The following CNBD1 variants were observed in gnomAD, a reference collection of about 807,000 sequenced individuals.
CNBD1 encodes the protein cyclic nucleotide-binding domain-containing protein 1.
In CNBD1, 71 loss-of-function variants were observed where a neutral mutation model predicts 54.4. The observed-to-expected ratio is 1.30, with a 90% CI of 1.08 to 1.59. CNBD1 has a LOEUF of 1.59. Among genes scored for constraint, CNBD1 ranks in the 40% most tolerant of loss-of-function variants. The probability of loss-of-function intolerance (pLI) is 0.00; values close to 1 mark genes in which losing one functional copy is unlikely to be tolerated. For synonymous variants in CNBD1, 182 were observed against 170.7 expected (o/e 1.07, Z -0.51); for missense variants, 659 against 518.0 (o/e 1.27, Z -2.64).
At chr8:87,137,855 A>G (rs1249918569) in intron 4 of CNBD1, among the ~76,000 whole-genome samples, 1 of 152,132 alleles carries the variant, frequency 6.6e-6, no homozygotes, top group Non-Finnish European at 1.5e-5. Flanking sequence ...AGGGAAAACT[A>G]CTTAGGACCT....
intron 7 of CNBD1, among the ~76,000 whole-genome samples, chr8:87,285,088 TTCAC>T (rs201492016): frequency 0.036 from 5,486 of 152,206 alleles, 173 homozygotes; most frequent in Non-Finnish European, 0.057. Flanking sequence ...TATTCATTCA[TTCAC>T]TCACTCATTC....
intron 8 of CNBD1, among the ~76,000 whole-genome samples, chr8:87,343,097 C>A (rs182983287): frequency 6.6e-6 from 1 of 152,140 alleles, no homozygotes; most frequent in Non-Finnish European, 1.5e-5. Context: ...AAGAATTCAG[C>A]GATATTTCTC....
chr8:86,982,158 A>G (rs1314060592), intron 4 of CNBD1, among the ~76,000 whole-genome samples: 2 of 152,180 alleles, frequency 1.3e-5, no homozygotes. Flanking sequence ...TTAATAATTA[A>G]TGATGTTGAA....
At chr8:87,048,060 C>T (rs953820528) in intron 4 of CNBD1, among the ~76,000 whole-genome samples, 4 of 152,058 alleles carry the variant, frequency 2.6e-5, no homozygotes, top group African/African-American at 9.7e-5. Context: ...GTGATAAATC[C>T]AAGAGTTGAT....
intron 5 of CNBD1, among the ~76,000 whole-genome samples, chr8:87,230,850 A>G (rs1814673726): frequency 6.6e-6 from 1 of 152,254 alleles, no homozygotes; most frequent in South Asian, 2.1e-4. Context: ...TGTCATTAAG[A>G]TCTGAAAACA....
chr8:87,220,385 A>G (rs1814305006), intron 5 of CNBD1, among the ~76,000 whole-genome samples: 1 of 151,976 alleles, frequency 6.6e-6, no homozygotes, highest in African/African-American at 2.4e-5. Context: ...CCAGAAGAAG[A>G]CCAGCATCTG....
At chr8:87,106,816 T>C (rs1389725609) in intron 4 of CNBD1, among the ~76,000 whole-genome samples, 1 of 152,094 alleles carries the variant, frequency 6.6e-6, no homozygotes, top group African/African-American at 2.4e-5. Context: ...CCTGGGCTGC[T>C]TCTGTTTATT....
At chr8:87,118,251 G>A (rs1258321765) in intron 4 of CNBD1, among the ~76,000 whole-genome samples, 2 of 142,224 alleles carry the variant, frequency 1.4e-5, no homozygotes, top group Non-Finnish European at 3.0e-5. Flanking sequence ...GGAGGCGGAG[G>A]TTGCAGTGAG....
intron 2 of CNBD1, among the ~76,000 whole-genome samples, chr8:86,903,508 A>G (rs930539368): frequency 6.6e-6 from 1 of 152,090 alleles, no homozygotes; most frequent in African/African-American, 2.4e-5. Context: ...ATGCATATAC[A>G]TTACTTAGAA....
chr8:86,911,472 A>G (rs1809098791), intron 3 of CNBD1, among the ~76,000 whole-genome samples: 1 of 152,188 alleles, frequency 6.6e-6, no homozygotes, highest in Non-Finnish European at 1.5e-5. Flanking sequence ...CTTTTTATTG[A>G]TACATAGTAG....
At chr8:86,959,812 G>T (rs553619703) in intron 4 of CNBD1, among the ~76,000 whole-genome samples, 1 of 152,240 alleles carries the variant, frequency 6.6e-6, no homozygotes, top group Admixed American at 6.5e-5. Context: ...CTTTAGCTCA[G>T]AGAAGTTTGT....
intron 5 of CNBD1, among the ~76,000 whole-genome samples, chr8:87,234,269 C>T (rs933193036): frequency 2.0e-5 from 3 of 152,162 alleles, no homozygotes; most frequent in Non-Finnish European, 2.9e-5. Context: ...TCTCATGAAT[C>T]ACAAATGTTC....
At chr8:86,960,151 C>A (rs1254486399) in intron 4 of CNBD1, among the ~76,000 whole-genome samples, 2 of 152,126 alleles carry the variant, frequency 1.3e-5, no homozygotes, top group East Asian at 3.9e-4. Context: ...ATAGTGGGTG[C>A]AGCCCACAGA....
intron 6 of CNBD1, among the ~76,000 whole-genome samples, chr8:87,280,478 G>GT (rs1466052734): frequency 6.6e-6 from 1 of 151,292 alleles, no homozygotes; most frequent in African/African-American, 2.4e-5. Flanking sequence ...TGATCTTTGT[G>GT]TTTTTGTTGG....
intron 10 of CNBD1, among the ~76,000 whole-genome samples, chr8:87,368,732 G>T (rs958453791): frequency 1.3e-5 from 2 of 152,032 alleles, no homozygotes; most frequent in Non-Finnish European, 2.9e-5. Flanking sequence ...TTGGTATTTT[G>T]TAGGCATCAA....
intron 1 of CNBD1, among the ~76,000 whole-genome samples, chr8:86,875,566 T>C (rs909108341): frequency 2.6e-5 from 4 of 152,228 alleles, no homozygotes; most frequent in African/African-American, 9.6e-5. Context: ...TTTGTATCTT[T>C]CTTTCTAATT....
At chr8:87,043,074 A>G (rs900162696) in intron 4 of CNBD1, among the ~76,000 whole-genome samples, 1 of 152,236 alleles carries the variant, frequency 6.6e-6, no homozygotes, top group Non-Finnish European at 1.5e-5. Flanking sequence ...CAATGCTGCA[A>G]CAGGCAGCAC....
At chr8:87,305,946 A>C (rs946321503) in intron 8 of CNBD1, among the ~76,000 whole-genome samples, 2 of 152,200 alleles carry the variant, frequency 1.3e-5, no homozygotes, top group African/African-American at 4.8e-5. Context: ...AGCAAAAGGA[A>C]CAGTCAGCAG....
chr8:87,007,865 G>GT (rs1284183241), intron 4 of CNBD1, among the ~76,000 whole-genome samples: 2 of 151,958 alleles, frequency 1.3e-5, no homozygotes, highest in Non-Finnish European at 2.9e-5. Context: ...TTGATTTACT[G>GT]TTTTTTGTCC....
Sources: allele counts gnomAD v4.1 joint callset (sites outside exome capture counted in the v4.1 genomes callset), GRCh38; gene constraint gnomAD v4.1.1; transcripts MANE v1.5; gene names NCBI Gene and HGNC (gene_info 2026-07-23, HGNC 2026-07-21).